Variants in ZHX2 observed in about 807,000 individuals in gnomAD.
ZHX2 encodes the protein zinc fingers and homeoboxes protein 2.
ZHX2 carries 6 observed loss-of-function variants against 21.9 expected under a neutral mutation model. The observed-to-expected ratio is 0.27, with a 90% CI of 0.15 to 0.54. The LOEUF (loss-of-function observed/expected upper bound fraction) is 0.54, where lower values mean the gene tolerates loss of function less well. Among genes scored for constraint, ZHX2 ranks in the 20% least tolerant of loss-of-function variants. The pLI, the probability that ZHX2 is intolerant of heterozygous loss-of-function variation, is 0.95. For synonymous variants in ZHX2, 434 were observed against 437.1 expected (o/e 0.99, Z 0.09); for missense variants, 908 against 1,090.7 (o/e 0.83, Z 2.36).
At chr8:122,925,936 G>C (rs554852743) in intron 2 of ZHX2, among the ~76,000 whole-genome samples, 9 of 148,500 alleles carry the variant, frequency 6.1e-5, no homozygotes, top group Non-Finnish European at 1.0e-4. Context: ...GGGACAGAGT[G>C]GGGGGGCACA....
chr8:122,876,649 G>A (rs1162549476), intron 2 of ZHX2, among the ~76,000 whole-genome samples: 2 of 152,196 alleles, frequency 1.3e-5, no homozygotes, highest in African/African-American at 4.8e-5. Flanking sequence ...ACGGCTCCAC[G>A]AGGACGGGGT....
intron 2 of ZHX2, among the ~76,000 whole-genome samples, chr8:122,937,609 T>C (rs1812730711): frequency 6.6e-6 from 1 of 151,154 alleles, no homozygotes; most frequent in Non-Finnish European, 1.5e-5. Flanking sequence ...AGACTCAGTC[T>C]CACTCTGTCA....
rs202189564 is a variant in ZHX2 at position 122,952,135 on chromosome 8, G to T, written c.625G>T (p.Glu209Ter). The change falls in exon 3 of 4, where the codon GAG becomes TAG. Residue 209 changes from glutamate to a stop codon, truncating the protein, a stop_gained. Transcript: ENST00000314393. LOFTEE classifies it high-confidence loss of function. The surrounding 1 kb of genome is among the most constrained non-coding windows in gnomAD (Gnocchi z 6.9). Reference protein sequence around the residue: ...VPKKPEEITPENHVEGTARLV... With the variant: ...VPKKPEEITP ...CAAGAAGCCCGAGGAGATCACCCCC[G>T]AGAACCACGTGGAAGGGACCGCCCG... 2 of 1,613,528 alleles carry T rather than the reference G, an allele frequency of 1.2e-6. No homozygotes were observed. Among genetic ancestry groups the T allele is most frequent in the Non-Finnish European group, 1.7e-6 (2 of 1,179,946 alleles).
At chr8:122,796,053 G>A (rs1054128355) in intron 1 of ZHX2, among the ~76,000 whole-genome samples, 8 of 151,734 alleles carry the variant, frequency 5.3e-5, no homozygotes, top group African/African-American at 1.5e-4. Flanking sequence ...CGCCTGTAAT[G>A]CCAGCTACTT....
intron 2 of ZHX2, among the ~76,000 whole-genome samples, chr8:122,945,427 C>T (rs1228496620): frequency 1.1e-5 from 1 of 94,600 alleles, no homozygotes; most frequent in African/African-American, 4.9e-5. Context: ...TATATAAACC[C>T]TGTCTCTGCA....
At chr8:122,856,473 C>T (rs1356203341) in intron 1 of ZHX2, among the ~76,000 whole-genome samples, 1 of 152,098 alleles carries the variant, frequency 6.6e-6, no homozygotes, top group Admixed American at 6.5e-5. Flanking sequence ...AAGAAGGAAA[C>T]CACCACCCAC....
intron 1 of ZHX2, among the ~76,000 whole-genome samples, chr8:122,844,339 G>A (rs61387153): frequency 6.6e-6 from 1 of 152,396 alleles, no homozygotes; most frequent in East Asian, 1.9e-4. Context: ...TGCAATTGGT[G>A]TTGAAACTTG....
chr8:122,879,971 C>CTTT (rs1563765738), intron 2 of ZHX2, among the ~76,000 whole-genome samples: 1 of 120,570 alleles, frequency 8.3e-6, no homozygotes, highest in African/African-American at 3.1e-5. Context: ...TCTATTGTTA[C>CTTT]CTTTTTTTTT....
intron 2 of ZHX2, among the ~76,000 whole-genome samples, chr8:122,941,155 G>A (rs771668909): frequency 6.6e-6 from 1 of 152,102 alleles, no homozygotes; most frequent in Non-Finnish European, 1.5e-5. Context: ...GCTGAGGTGG[G>A]AGGATCACTT....
At chr8:122,840,256 T>G (rs937426100) in intron 1 of ZHX2, among the ~76,000 whole-genome samples, 4 of 152,318 alleles carry the variant, frequency 2.6e-5, no homozygotes, top group Non-Finnish European at 5.9e-5. Flanking sequence ...GCCTAAGTCC[T>G]TTACTCTTCC....
At chr8:122,969,994 G>A (rs1325258233) in intron 3 of ZHX2, among the ~76,000 whole-genome samples, 1 of 152,240 alleles carries the variant, frequency 6.6e-6, no homozygotes, top group African/African-American at 2.4e-5. Context: ...AAGACAGAAA[G>A]GGAGGGTGGG....
upstream of ZHX2, chr8:122,781,597 C>T (rs1817286015): frequency 6.6e-6 from 1 of 152,616 alleles, no homozygotes; most frequent in African/African-American, 2.4e-5. This position sits in a 1 kb window ranked among gnomAD's most constrained non-coding sequence, Gnocchi z 4.6. Flanking sequence ...AACCCGAGCC[C>T]GGGTGGCAGC....
At chr8:122,870,014 C>T (rs2129683926) in intron 2 of ZHX2, among the ~76,000 whole-genome samples, 1 of 152,326 alleles carries the variant, frequency 6.6e-6, no homozygotes, top group South Asian at 2.1e-4. Context: ...TGGTAAGTTT[C>T]CTACCCACAG....
At chr8:122,830,212 G>A (rs933452002) in intron 1 of ZHX2, among the ~76,000 whole-genome samples, 1 of 152,208 alleles carries the variant, frequency 6.6e-6, no homozygotes, top group Non-Finnish European at 1.5e-5. Flanking sequence ...GATTTATAGT[G>A]TCCTGTAAAC....
intron 2 of ZHX2, among the ~76,000 whole-genome samples, chr8:122,912,254 G>A (rs1179708167): frequency 1.3e-5 from 2 of 152,162 alleles, no homozygotes; most frequent in African/African-American, 4.8e-5. Flanking sequence ...TGGCAGAAAC[G>A]GCCTGGGAGA....
At chr8:122,965,422 A>C (rs1813555382) in intron 3 of ZHX2, among the ~76,000 whole-genome samples, 1 of 152,192 alleles carries the variant, frequency 6.6e-6, no homozygotes, top group African/African-American at 2.4e-5. Flanking sequence ...ATCATTCAAG[A>C]GCGTATCATT....
chr8:122,968,504 C>G (rs913555760), intron 3 of ZHX2, among the ~76,000 whole-genome samples: 1 of 152,134 alleles, frequency 6.6e-6, no homozygotes, highest in African/African-American at 2.4e-5. Context: ...TCAGACTGTG[C>G]CCCCTACCCT....
At chr8:122,850,415 A>T (rs1250615302) in intron 1 of ZHX2, among the ~76,000 whole-genome samples, 1 of 152,150 alleles carries the variant, frequency 6.6e-6, no homozygotes, top group Admixed American at 6.5e-5. Context: ...AGACGGGCAG[A>T]TCACCTGAGG....
At position 122,953,677 on chromosome 8, in the gene ZHX2, G is replaced by A. The variant is rs756403931; in HGVS notation, c.2167G>A (p.Gly723Arg). 28 of 1,614,106 alleles carry A rather than the reference G, an allele frequency of 1.7e-5. No individual in the cohort carries two copies. Among genetic ancestry groups the A allele is most frequent in the East Asian group, 8.9e-5 (4 of 44,896 alleles). ...ACCCATGGCCGAGAGCCCAAAGAAC[G>A]GGGGTGATGTGGTTCCACAATATTA... is the stretch of plus-strand genomic sequence containing the variant. ...TKPMAESPKN[G>R]GDVVPQYYKD... Residue 723 changes from glycine to arginine, a missense_variant, in exon 3 of 4, where the codon GGG becomes AGG. This residue lies in a region of ZHX2 where 431 missense variants were observed against 428.6 expected (regional missense o/e 1.01). Transcript: ENST00000314393. The surrounding 1 kb of genome is among the most constrained non-coding windows in gnomAD (Gnocchi z 4.6).
Sources: allele counts gnomAD v4.1 joint callset (sites outside exome capture counted in the v4.1 genomes callset), GRCh38; gene constraint gnomAD v4.1.1; regional missense constraint gnomAD v4.1.1; non-coding constraint Gnocchi (gnomAD v3.1); transcripts MANE v1.5; gene names NCBI Gene and HGNC (gene_info 2026-07-23, HGNC 2026-07-21).